Variants in PGM2 observed in about 807,000 individuals in gnomAD.
PGM2 encodes phosphoglucomutase 2.
In PGM2, 57 loss-of-function variants were observed where a neutral mutation model predicts 74.6. The observed-to-expected ratio is 0.76, with a 90% CI of 0.62 to 0.95. The LOEUF (loss-of-function observed/expected upper bound fraction) is 0.95, where lower values mean the gene tolerates loss of function less well. PGM2 is among the 40% of genes least tolerant of loss of function. The pLI is 0.00. For missense variants in PGM2, 706 were observed against 741.9 expected (o/e 0.95, Z 0.56); for synonymous variants, 273 against 260.7 (o/e 1.05, Z -0.46).
chr4:37,835,939 A>C (rs1290682560), intron 3 of PGM2, among the ~76,000 whole-genome samples: 1 of 152,268 alleles, frequency 6.6e-6, no homozygotes, highest in African/African-American at 2.4e-5. Context: ...GGTATAAACC[A>C]GCATATCAGC....
At chr4:37,826,886 C>A in intron 1 of PGM2, 73 bp downstream of exon 1, 1 of 938,364 alleles carries the variant, frequency 1.1e-6, no homozygotes, top group South Asian at 1.5e-5. Flanking sequence ...CGCGGCGCTG[C>A]TTGCTCTGCC....
chr4:37,834,688 C>G lies in PGM2; in HGVS notation c.320C>G (p.Ala107Gly). The G allele has an allele frequency of 6.3e-7, 1 of 1,592,982 alleles. No individual in the cohort carries two copies. The highest frequency in any genetic ancestry group is 1.1e-5 in the South Asian group (1 of 90,130). Residue 107 changes from alanine to glycine, a missense_variant, in exon 3 of 14, where the codon GCC (alanine) becomes GGC (glycine). Coordinates refer to ENST00000381967, the MANE Select transcript of PGM2 (RefSeq NM_018290.4). ...KQKGIVISFD[A>G]RAHPSSGGSS... ...AAAGGCATCGTGATCAGTTTTGACGCCCGAGCTCATCCATCCAGTGGGGGT... is the reference window on the plus strand; with the variant it reads ...AAAGGCATCGTGATCAGTTTTGACGGCCGAGCTCATCCATCCAGTGGGGGT...
intron 13 of PGM2, among the ~76,000 whole-genome samples, chr4:37,859,001 A>G (rs1354593072): frequency 6.6e-6 from 1 of 152,198 alleles, no homozygotes; most frequent in Non-Finnish European, 1.5e-5. Context: ...ACCACTACTC[A>G]GCTCTGCTAA....
At chr4:37,852,438 A>G (rs916001579) in intron 12 of PGM2, among the ~76,000 whole-genome samples, 3 of 57,676 alleles carry the variant, frequency 5.2e-5, no homozygotes, top group Non-Finnish European at 9.5e-5. Flanking sequence ...GCCCTTCTCC[A>G]GGATTGAGTC....
intron 4 of PGM2, among the ~76,000 whole-genome samples, chr4:37,838,926 C>T (rs753331449): frequency 3.6e-4 from 55 of 152,088 alleles, no homozygotes; most frequent in Admixed American, 7.2e-4. Context: ...GTGGAGGGGA[C>T]GGACAATTTA....
rs755457619 is a variant in PGM2 at position 37,845,638 on chromosome 4, G to A, written c.915G>A (p.Leu305=). 13 of 1,600,514 alleles carry A rather than the reference G, an allele frequency of 8.1e-6. No individual in the cohort carries two copies. In the South Asian group the frequency reaches 1.4e-4, roughly 18 times the overall value. Residue 305 remains leucine (L), a synonymous_variant, in exon 8 of 14, where the codon TTG becomes TTA. Transcript: ENST00000381967. ...NPEEGKGVLT[L]SFALADKTKA... ...ATTTTCATATTCTTCTTCAGACTTT[G>A]TCTTTTGCTTTGGCTGACAAAACCA... is the stretch of plus-strand genomic sequence containing the variant.
rs1315668662 is a variant in PGM2 at position 37,862,338 on chromosome 4, TC to T, written c.*727del. 2.0e-4 allele frequency: 31 copies of T among 152,260 alleles called. No individual in the cohort carries two copies. Among genetic ancestry groups the T allele is most frequent in the Admixed American group, 1.6e-3 (25 of 15,266 alleles). 9.4% of individuals were successfully genotyped at this position (152,260 alleles called of 1,614,324 possible). A position where few individuals can be genotyped will look rare whatever the true frequency, so the allele number is the denominator to read the frequency against. On this transcript the variant is annotated 3_prime_UTR_variant, in exon 14 of 14. Coordinates refer to ENST00000381967, the MANE Select transcript of PGM2 (RefSeq NM_018290.4). ...TTGAAACTTGAAAGTAGCATATTTT[TC>T]TGTTTTTTGGTTGTTTGTTCATTTG... is the stretch of plus-strand genomic sequence containing the variant.
At chr4:37,839,111 ATTTTTT>A (rs60423053) in intron 4 of PGM2, among the ~76,000 whole-genome samples, 1 of 94,650 alleles carries the variant, frequency 1.1e-5, no homozygotes, top group Non-Finnish European at 2.1e-5. Flanking sequence ...ATTCCCTCAA[ATTTTTT>A]TTTTTTTTTT....
At chr4:37,861,487 T>C in intron 13 of PGM2, 23 bp from the exon 14 acceptor site, 1 of 1,520,782 alleles carries the variant, frequency 6.6e-7, no homozygotes, top group Non-Finnish European at 9.1e-7. Context: ...TTGACCTGGA[T>C]TTTTTTCCCC....
intron 13 of PGM2, among the ~76,000 whole-genome samples, chr4:37,859,368 G>C (rs1377707014): frequency 6.6e-6 from 1 of 152,150 alleles, no homozygotes; most frequent in Non-Finnish European, 1.5e-5. Context: ...TTGTTTGCAA[G>C]GAATCAACCT....
rs966847395 is a variant in PGM2 at position 37,862,561 on chromosome 4, C to T, written c.*949C>T. Reference sequence around the variant, plus strand: ...TTATTTAATCTGTACCTTCTATCTTCTCATAATTCGTGGTCTTACAGCCTT... The same window carrying T: ...TTATTTAATCTGTACCTTCTATCTTTTCATAATTCGTGGTCTTACAGCCTT... On this transcript the variant is annotated 3_prime_UTR_variant, in exon 14 of 14. Coordinates refer to ENST00000381967, the MANE Select transcript of PGM2 (RefSeq NM_018290.4). 6.6e-6 allele frequency: 1 copy of T among 152,084 alleles called. No individual in the cohort carries two copies. Among genetic ancestry groups the T allele is most frequent in the African/African-American group, 2.4e-5 (1 of 41,434 alleles). 9.4% of individuals were successfully genotyped at this position (152,084 alleles called of 1,614,324 possible). A position where few individuals can be genotyped will look rare whatever the true frequency, so the allele number is the denominator to read the frequency against.
chr4:37,826,848 C>G, intron 1 of PGM2, 35 bp downstream of exon 1: 1 of 1,396,258 alleles, frequency 7.2e-7, no homozygotes, highest in South Asian at 1.2e-5. Flanking sequence ...GCGCCTGGAG[C>G]GGGGCCGGGT....
Position 37,845,743 on chromosome 4 carries a change from G to C in PGM2, c.1007+13G>C, listed in dbSNP as rs1241475221. 1.4e-6 allele frequency: 2 copies of C among 1,461,890 alleles called. No homozygotes were observed. The highest frequency in any genetic ancestry group is 3.3e-5 in the Admixed American group (2 of 59,834). 90.6% of individuals were successfully genotyped at this position (1,461,890 alleles called of 1,614,324 possible). Reference sequence around the variant, plus strand: ...AAAAGCAAGACAGGTAAAATTAATTGTGATTACCTATATTATAGAACATAT... The same window carrying C: ...AAAAGCAAGACAGGTAAAATTAATTCTGATTACCTATATTATAGAACATAT... On this transcript the variant is annotated intron_variant, in intron 8 of 13. Coordinates refer to ENST00000381967, the MANE Select transcript of PGM2 (RefSeq NM_018290.4).
At chr4:37,841,203 CT>C (rs781333640) in intron 6 of PGM2, among the ~76,000 whole-genome samples, 8 of 79,610 alleles carry the variant, frequency 1.0e-4, no homozygotes, top group Non-Finnish European at 1.9e-4. Context: ...GTTCTGTGCA[CT>C]TTTCCCCCCA....
At chr4:37,835,308 A>G (rs569823430) in intron 3 of PGM2, among the ~76,000 whole-genome samples, 1 of 152,350 alleles carries the variant, frequency 6.6e-6, no homozygotes, top group East Asian at 1.9e-4. Flanking sequence ...TAAGGACACT[A>G]GTACCAGGGG....
chr4:37,830,064 G>A lies in PGM2; in HGVS notation c.182G>A (p.Gly61Asp), dbSNP rs1328418066. 1.2e-6 allele frequency: 2 copies of A among 1,607,670 alleles called. No homozygotes were observed. Among genetic ancestry groups the A allele is most frequent in the Admixed American group, 1.7e-5 (1 of 58,758 alleles). The change falls in exon 2 of 14, where the codon GGC becomes GAC. Residue 61 changes from glycine to aspartate, a missense_variant. Gly to Asp is a moderately conservative substitution (Grantham distance 94). Around this residue, in one of 3 missense-constraint regions of PGM2, gnomAD observed 332 missense variants for 334.9 expected, o/e 0.99. Transcript: ENST00000381967. ...GCCCGAATGGAGTTTGGGACAGCTGGCCTCCGAGCTGCTATGGGACCTGGA... is the reference window on the plus strand; with the variant it reads ...GCCCGAATGGAGTTTGGGACAGCTGACCTCCGAGCTGCTATGGGACCTGGA... ...FGARMEFGTA[G>D]LRAAMGPGIS...
chr4:37,858,326 G>GT (rs1038569915), intron 13 of PGM2, among the ~76,000 whole-genome samples: 3 of 144,684 alleles, frequency 2.1e-5, no homozygotes, highest in African/African-American at 8.1e-5. Context: ...CAGCAATAAA[G>GT]TTTTTTTTGT....
At position 37,846,913 on chromosome 4, in the gene PGM2, GTT is replaced by G; in HGVS notation, c.1008-9_1008-8del. 7.5e-7 allele frequency: 1 copy of G among 1,331,434 alleles called. No individual in the cohort carries two copies. The highest frequency in any genetic ancestry group is 1.0e-6 in the Non-Finnish European group (1 of 974,058). 82.5% of individuals were successfully genotyped at this position (1,331,434 alleles called of 1,614,324 possible). A position where few individuals can be genotyped will look rare whatever the true frequency, so the allele number is the denominator to read the frequency against. On this transcript the variant is annotated splice_polypyrimidine_tract_variant and intron_variant, in intron 8 of 13. Transcript: ENST00000381967. ...ATTATGGAAATGAATGGTGGTTGTT[GTT>G]TTTTTTTTCTTTCAGTGGTGAATGG...
chr4:37,841,072 GTATA>G (rs36127170), intron 6 of PGM2, among the ~76,000 whole-genome samples: 19,079 of 113,646 alleles, frequency 0.17, 1,943 homozygotes, highest in Non-Finnish European at 0.22. Flanking sequence ...ATATGCAAGC[GTATA>G]TATATATATA....
Sources: gnomAD v4.1 joint callset for allele counts (sites outside exome capture counted in the v4.1 genomes callset) on GRCh38, gnomAD v4.1.1 for gene constraint, gnomAD v4.1.1 regional missense constraint, MANE v1.5 for transcripts, NCBI Gene and HGNC (gene_info 2026-07-23, HGNC 2026-07-21) for gene names.